TMEM63A: variants seen among roughly 807,000 people sequenced by gnomAD.
TMEM63A encodes the protein transmembrane protein 63A.
In TMEM63A, 76 loss-of-function variants were observed where a neutral mutation model predicts 100.6. The ratio of observed to expected loss-of-function variants is 0.76; its 90% confidence interval spans 0.63 to 0.91. The LOEUF (loss-of-function observed/expected upper bound fraction) is 0.91, where lower values mean the gene tolerates loss of function less well. Among genes scored for constraint, TMEM63A ranks in the 40% least tolerant of loss-of-function variants. The probability of loss-of-function intolerance (pLI) is 0.00; values close to 1 mark genes in which losing one functional copy is unlikely to be tolerated. For missense variants in TMEM63A, 876 were observed against 1,008.8 expected (o/e 0.87, Z 1.78); for synonymous variants, 401 against 401.1 (o/e 1.00, Z 0.00).
At chr1:225,877,716 C>T (rs746607966) in intron 2 of TMEM63A, 122 bp from the exon 3 acceptor site, 25 of 895,488 alleles carry the variant, frequency 2.8e-5, no homozygotes, top group Non-Finnish European at 3.8e-5. Flanking sequence ...AGTGAGCCAG[C>T]AGCAAGGAGT....
At chr1:225,857,047 C>G in intron 15 of TMEM63A, 30 bp from the exon 16 acceptor site, 1 of 1,540,376 alleles carries the variant, frequency 6.5e-7, no homozygotes, top group Non-Finnish European at 8.7e-7. Flanking sequence ...CAGAGAGAGT[C>G]ACAGGGGCCG....
At chr1:225,870,317 A>G (rs1447471154) in intron 6 of TMEM63A, among the ~76,000 whole-genome samples, 1 of 150,178 alleles carries the variant, frequency 6.7e-6, no homozygotes. Flanking sequence ...GTGCCATTGC[A>G]CTCCAGCCTG....
chr1:225,858,778 T>G (rs1669776478), intron 15 of TMEM63A, among the ~76,000 whole-genome samples: 1 of 151,844 alleles, frequency 6.6e-6, no homozygotes, highest in Non-Finnish European at 1.5e-5. Context: ...CATCCCTGCT[T>G]CTGTCAGGAG....
At position 225,853,547 on chromosome 1, in the gene TMEM63A, G is replaced by C. The variant is rs1181288459; in HGVS notation, c.1797+82C>G. ...TAAATGCTACCCACTAGTGGGGGTA[G>C]TGGGGGTGAGAGGCCCTCGGGTCAG... On this transcript the variant is annotated intron_variant, in intron 19 of 24. Coordinates refer to ENST00000366835, the MANE Select transcript of TMEM63A (RefSeq NM_014698.3). This position sits in a 1 kb window ranked among gnomAD's most constrained non-coding sequence, Gnocchi z 4.0. 4 of 1,369,674 alleles carry C rather than the reference G, an allele frequency of 2.9e-6. No homozygotes were observed. The highest frequency in any genetic ancestry group is 1.5e-5 in the African/African-American group (1 of 68,112). 84.8% of individuals were successfully genotyped at this position (1,369,674 alleles called of 1,614,324 possible).
At position 225,853,441 on chromosome 1, in the gene TMEM63A, G is replaced by A. The variant is rs1480870550; in HGVS notation, c.1797+188C>T. Among the ~76,000 whole-genome samples, 1 of 152,202 alleles carries A rather than the reference G, an allele frequency of 6.6e-6. No homozygotes were observed. The highest frequency in any genetic ancestry group is 2.4e-5 in the African/African-American group (1 of 41,450). ...TCTCCTCCAGCCTGTGAGCTAGAGA[G>A]GAGGCTGGAGGAGGCCACGCCTGCC... On this transcript the variant is annotated intron_variant, in intron 19 of 24. Coordinates refer to ENST00000366835, the MANE Select transcript of TMEM63A (RefSeq NM_014698.3). This position sits in a 1 kb window ranked among gnomAD's most constrained non-coding sequence, Gnocchi z 4.0.
chr1:225,874,252 A>C (rs1410542502), intron 4 of TMEM63A, 36 bp downstream of exon 4: 6 of 1,596,676 alleles, frequency 3.8e-6, no homozygotes, highest in Non-Finnish European at 4.3e-6. Context: ...ACACGTACGC[A>C]CACGCATGCT....
downstream of TMEM63A, among the ~76,000 whole-genome samples, chr1:225,842,664 C>G (rs45600835): frequency 6.1e-4 from 93 of 152,350 alleles, no homozygotes; most frequent in African/African-American, 2.2e-3. Context: ...GTGGGTTGTT[C>G]CCAGCCTCAC....
intron 4 of TMEM63A, 30 bp from the exon 5 acceptor site, chr1:225,872,083 G>T: frequency 1.4e-6 from 2 of 1,468,896 alleles, no homozygotes; most frequent in African/African-American, 1.4e-5. Flanking sequence ...AAAAATGACA[G>T]ATAATTCTTA....
intron 4 of TMEM63A, among the ~76,000 whole-genome samples, chr1:225,872,431 T>G (rs1232101786): frequency 1.3e-5 from 2 of 152,196 alleles, no homozygotes; most frequent in Non-Finnish European, 2.9e-5. Context: ...ATACCACTGG[T>G]TGTAATTTGC....
chr1:225,871,360 C>T (rs1417978968), intron 5 of TMEM63A, among the ~76,000 whole-genome samples: 3 of 152,172 alleles, frequency 2.0e-5, no homozygotes, highest in Non-Finnish European at 4.4e-5. Flanking sequence ...CTGATGAAAG[C>T]TCAGGGCAGC....
At chr1:225,849,099 T>C in intron 21 of TMEM63A, 87 bp from the exon 22 acceptor site, 1 of 1,026,706 alleles carries the variant, frequency 9.7e-7, no homozygotes. Context: ...CCGCACCTGG[T>C]GTGGAAACTG....
chr1:225,866,631 G>C lies in TMEM63A; in HGVS notation c.618C>G (p.Leu206=), dbSNP rs753040168. The change falls in exon 9 of 25, where the codon CTC becomes CTG. Residue 206 remains leucine (L), a synonymous_variant. Transcript: ENST00000366835. ...TGTGGTGCCGCATGAAACCCACAGT[G>C]AGGAAGAGGTAAATGACAGCAAAGA... is the stretch of plus-strand genomic sequence containing the variant. The part of the protein sequence containing the change: ...HTIFAVIYLF[L]TVGFMRHHTQ... 1.9e-6 allele frequency: 3 copies of C among 1,614,158 alleles called. No homozygotes were observed. Among genetic ancestry groups the C allele is most frequent in the Admixed American group, 3.3e-5 (2 of 60,028 alleles).
chr1:225,877,700 T>C, intron 2 of TMEM63A, 106 bp from the exon 3 acceptor site: 2 of 1,174,052 alleles, frequency 1.7e-6, no homozygotes, highest in Non-Finnish European at 2.3e-6. Flanking sequence ...CAGGGACTGA[T>C]CGGGCAGTGA....
rs565267626 is a variant in TMEM63A at position 225,859,613 on chromosome 1, C to T, written c.1224-264G>A. The T allele has an allele frequency of 6.3e-4, 293 of 461,714 alleles. 2 individuals are homozygous for T. In the East Asian group the frequency reaches 0.012, roughly 19 times the overall value. 28.6% of individuals were successfully genotyped at this position (461,714 alleles called of 1,614,324 possible). On this transcript the variant is annotated intron_variant, in intron 14 of 24. Coordinates refer to ENST00000366835, the MANE Select transcript of TMEM63A (RefSeq NM_014698.3). ...GGCATGAGCACCCAAGCAGGCCAAA[C>T]AAGGCTCCAGCATGGCATTTATTTT...
chr1:225,841,148 A>G (rs981818641), downstream of TMEM63A: 1 of 152,192 alleles, frequency 6.6e-6, no homozygotes, highest in Non-Finnish European at 1.5e-5. Flanking sequence ...CCACGCTCTG[A>G]CTTCTGACTG....
intron 23 of TMEM63A, chr1:225,848,270 A>G (rs1385746321): frequency 5.3e-6 from 3 of 565,552 alleles, no homozygotes; most frequent in Non-Finnish European, 3.1e-6. Flanking sequence ...GGGGATGGCC[A>G]TGAATCGAGA....
chr1:225,850,771 G>A (rs1322209345), intron 20 of TMEM63A, among the ~76,000 whole-genome samples: 1 of 152,140 alleles, frequency 6.6e-6, no homozygotes, highest in Non-Finnish European at 1.5e-5. Flanking sequence ...GAGTGCAGTG[G>A]TGCGATCTCG....
At chr1:225,876,063 CAAAAAAAAAAAAAAAAAAAAAAAAAAAA>C (rs532420561) in intron 3 of TMEM63A, among the ~76,000 whole-genome samples, 1 of 32,896 alleles carries the variant, frequency 3.0e-5, no homozygotes, top group Non-Finnish European at 5.2e-5. Context: ...GACCTTGTCT[CAAAAAAAAAAAAAAAAAAAAAAAAAAAA>C]AAAAAAAAAA....
At position 225,845,737 on chromosome 1, in the gene TMEM63A, C is replaced by CGCAGGGGCAGCTTGGA; in HGVS notation, c.*1186_*1201dup. 1 of 337,364 alleles carries CGCAGGGGCAGCTTGGA rather than the reference C, an allele frequency of 3.0e-6. No homozygotes were observed. The highest frequency in any genetic ancestry group is 2.1e-5 in the African/African-American group (1 of 47,232). The allele number at this position is 337,364 out of a possible 1,614,324, so 20.9% of individuals were successfully genotyped here. ...ATGGCACCGCCCCCACCCCTCCCAGCGCAGGGGCAGCTTGGAGCAGAGGCA... is the reference window on the plus strand; with the variant it reads ...ATGGCACCGCCCCCACCCCTCCCAGCGCAGGGGCAGCTTGGAGCAGGGGCAGCTTGGAGCAGAGGCA... On this transcript the variant is annotated 3_prime_UTR_variant, in exon 25 of 25. Transcript: ENST00000366835.
Sources: allele counts gnomAD v4.1 joint callset (sites outside exome capture counted in the v4.1 genomes callset), GRCh38; gene constraint gnomAD v4.1.1; non-coding constraint Gnocchi (gnomAD v3.1); transcripts MANE v1.5; gene names NCBI Gene and HGNC (gene_info 2026-07-23, HGNC 2026-07-21).